The following SDK1 variants were observed in gnomAD, a reference collection of about 807,000 sequenced individuals.
The protein encoded by SDK1 is protein sidekick-1.
A neutral mutation model predicts 245.5 loss-of-function variants in SDK1; 157 were observed. That is an observed-to-expected ratio of 0.64 (90% CI 0.56 to 0.73). The LOEUF is 0.73. Ranked by LOEUF, SDK1 falls within the 30% of genes least tolerant of loss-of-function variation. SDK1 has a pLI of 0.00. For missense variants in SDK1, 3,583 were observed against 3,002.3 expected (o/e 1.19, Z -4.52); for synonymous variants, 1,647 against 1,278.5 (o/e 1.29, Z -6.15).
At chr7:3,532,827 G>A (rs1006505826) in intron 1 of SDK1, among the ~76,000 whole-genome samples, 4 of 152,058 alleles carry the variant, frequency 2.6e-5, no homozygotes, top group Admixed American at 6.5e-5. Flanking sequence ...CCTCCTCTGC[G>A]TTCTTGTCAC....
At chr7:4,101,360 GAT>G (rs1239047357) in intron 22 of SDK1, among the ~76,000 whole-genome samples, 1 of 152,126 alleles carries the variant, frequency 6.6e-6, no homozygotes, top group African/African-American at 2.4e-5. Flanking sequence ...TGTTAGCCAG[GAT>G]GGTCTCGATC....
At chr7:4,085,454 G>A (rs1464687345) in intron 22 of SDK1, among the ~76,000 whole-genome samples, 1 of 151,966 alleles carries the variant, frequency 6.6e-6, no homozygotes, top group African/African-American at 2.4e-5. Context: ...TTCTCATTGT[G>A]GTTATCTCGA....
At chr7:4,207,435 A>C (rs2128227544) in intron 36 of SDK1, among the ~76,000 whole-genome samples, 1 of 152,330 alleles carries the variant, frequency 6.6e-6, no homozygotes, top group South Asian at 2.1e-4. Context: ...TTGGGCGTCA[A>C]GTTCAACTAC....
intron 1 of SDK1, among the ~76,000 whole-genome samples, chr7:3,566,026 T>C (rs1779904697): frequency 6.6e-6 from 1 of 151,898 alleles, no homozygotes; most frequent in South Asian, 2.1e-4. Flanking sequence ...CAATATAATA[T>C]CTATGAATTA....
At chr7:3,639,500 G>C (rs528818146) in intron 3 of SDK1, among the ~76,000 whole-genome samples, 4 of 152,126 alleles carry the variant, frequency 2.6e-5, no homozygotes, top group Non-Finnish European at 5.9e-5. Flanking sequence ...TTCCAGTGAC[G>C]ATTTGTTTAG....
At chr7:3,416,487 G>A (rs1471282750) in intron 1 of SDK1, among the ~76,000 whole-genome samples, 2 of 149,536 alleles carry the variant, frequency 1.3e-5, no homozygotes, top group East Asian at 3.9e-4. Context: ...TTTTGCGGGG[G>A]AAACAAGGGG....
intron 1 of SDK1, among the ~76,000 whole-genome samples, chr7:3,356,506 T>A (rs190654977): frequency 2.6e-5 from 4 of 152,294 alleles, no homozygotes; most frequent in East Asian, 1.9e-4. Context: ...ATCTAAGACC[T>A]CCTCCTTTAT....
chr7:4,184,095 C>T (rs998564006), intron 35 of SDK1, among the ~76,000 whole-genome samples: 16 of 152,218 alleles, frequency 1.1e-4, no homozygotes, highest in African/African-American at 3.6e-4. Flanking sequence ...ATTGTAACAA[C>T]CCTAATCTGC....
chr7:3,385,468 T>A (rs1781588234), intron 1 of SDK1, among the ~76,000 whole-genome samples: 1 of 152,148 alleles, frequency 6.6e-6, no homozygotes, highest in South Asian at 2.1e-4. Context: ...ACAATAATTT[T>A]TTTTCTACTG....
chr7:4,065,691 GTTGTTTTTTTTTTTTTTT>G (rs1779840180), intron 19 of SDK1, among the ~76,000 whole-genome samples: 2 of 29,472 alleles, frequency 6.8e-5, no homozygotes, highest in African/African-American at 3.4e-4. Context: ...ATGAGTGGTT[GTTGTTTTTTTTTTTTTTT>G]TTTTTTTTTT....
chr7:4,237,676 T>C lies in SDK1; in HGVS notation c.6022T>C (p.Trp2008Arg), dbSNP rs199546085. 1.6e-4 allele frequency: 259 copies of C among 1,613,770 alleles called. No individual in the cohort carries two copies. Among genetic ancestry groups the C allele is most frequent in the Non-Finnish European group, 2.1e-4 (250 of 1,179,920 alleles). Residue 2008 changes from tryptophan (W) to arginine (R), a missense_variant, in exon 42 of 45, where the codon TGG becomes CGG. Transcript: ENST00000404826. ...AGTGGAAGCCCCATTCTACGAGGAG[T>C]GGTGGTTCCTCCTGGTGATGGCTCT... ...AQVEAPFYEE[W>R]WFLLVMALSS...
intron 17 of SDK1, among the ~76,000 whole-genome samples, chr7:4,025,678 A>G (rs953824810): frequency 3.3e-5 from 5 of 152,206 alleles, no homozygotes; most frequent in African/African-American, 9.7e-5. Flanking sequence ...TGCCTGACCT[A>G]TAAGTAAACA....
rs1392028234 is a variant in SDK1, at chr7:3,360,586, T to C, written c.298+58702T>C. ...GAAAATTGCTGATGAAAGATACAAA[T>C]GTTTCTTTCCCAGGTGTTTTAAATT... is the stretch of plus-strand genomic sequence containing the variant. On this transcript the variant is annotated intron_variant, in intron 1 of 44. Coordinates refer to ENST00000404826, the MANE Select transcript of SDK1 (RefSeq NM_152744.4). 4.6e-5 allele frequency among the ~76,000 whole-genome samples: 7 copies of C among 152,320 alleles called. No individual in the cohort carries two copies. The South Asian group carries it at 8.3e-4, about 18-fold the overall frequency.
chr7:3,571,312 T>A (rs970725960), intron 1 of SDK1, among the ~76,000 whole-genome samples: 27 of 151,852 alleles, frequency 1.8e-4, no homozygotes, highest in South Asian at 4.1e-4. Flanking sequence ...AATTTTTAAT[T>A]TTTTTTTGAG....
chr7:3,636,406 T>A (rs1782458556), intron 2 of SDK1, among the ~76,000 whole-genome samples: 1 of 152,154 alleles, frequency 6.6e-6, no homozygotes, highest in Non-Finnish European at 1.5e-5. Context: ...CATTTCACAC[T>A]CTGCTTCTAT....
At chr7:3,457,889 G>T (rs574239306) in intron 1 of SDK1, among the ~76,000 whole-genome samples, 2 of 152,266 alleles carry the variant, frequency 1.3e-5, no homozygotes, top group African/African-American at 4.8e-5. Context: ...TCCTGAGAAT[G>T]CATGTGTAAG....
chr7:3,366,403 A>G (rs189986555), intron 1 of SDK1, among the ~76,000 whole-genome samples: 56 of 151,902 alleles, frequency 3.7e-4, no homozygotes, highest in African/African-American at 1.3e-3. Flanking sequence ...ATTATAGCAC[A>G]TAGAGATCTT....
intron 2 of SDK1, among the ~76,000 whole-genome samples, chr7:3,632,549 C>G (rs1265675101): frequency 7.1e-6 from 1 of 140,572 alleles, no homozygotes; most frequent in African/African-American, 2.4e-5. Flanking sequence ...GCTACAGATT[C>G]CATAGACCCT....
At chr7:3,749,180 A>G (rs754939583) in intron 4 of SDK1, among the ~76,000 whole-genome samples, 8 of 152,088 alleles carry the variant, frequency 5.3e-5, no homozygotes, top group Non-Finnish European at 1.0e-4. Context: ...TCTGTCACCT[A>G]GGCTGGAGTG....
Sources: allele counts gnomAD v4.1 joint callset (sites outside exome capture counted in the v4.1 genomes callset), GRCh38; gene constraint gnomAD v4.1.1; transcripts MANE v1.5; gene names NCBI Gene and HGNC (gene_info 2026-07-23, HGNC 2026-07-21).